The following METTL15 variants were observed in gnomAD, a reference collection of about 807,000 sequenced individuals.
The protein encoded by METTL15 is methyltransferase 15, mitochondrial 12S rRNA N4-cytidine, also known as 12S rRNA N(4)-cytidine methyltransferase METTL15.
In METTL15, 34 loss-of-function variants were observed where a neutral mutation model predicts 38.3. The ratio of observed to expected loss-of-function variants is 0.89; its 90% confidence interval spans 0.68 to 1.18. The LOEUF is 1.18. Among genes scored for constraint, METTL15 ranks in the 50% most tolerant of loss-of-function variants. METTL15 has a pLI of 0.00. For synonymous variants in METTL15, 162 were observed against 170.9 expected (o/e 0.95, Z 0.41); for missense variants, 438 against 498.4 (o/e 0.88, Z 1.15).
At position 28,136,636 on chromosome 11, in the gene METTL15, A is replaced by G. The variant is rs540764946; in HGVS notation, c.270+23032A>G. 3.3e-5 allele frequency among the ~76,000 whole-genome samples: 5 copies of G among 152,294 alleles called. 1 individual carries two copies. Among genetic ancestry groups the G allele is most frequent in the Admixed American group, 6.5e-5 (1 of 15,300 alleles). On this transcript the variant is annotated intron_variant, in intron 3 of 6. Transcript: ENST00000407364. ...TGATTTTAAAACACATATTAATATT[A>G]TTCATTAAAATATAACCTATGGAAG... is the stretch of plus-strand genomic sequence containing the variant.
intron 3 of METTL15, among the ~76,000 whole-genome samples, chr11:28,192,212 T>G (rs2133804230): frequency 6.6e-6 from 1 of 151,984 alleles, no homozygotes; most frequent in South Asian, 2.1e-4. Flanking sequence ...TAATATTGTC[T>G]GACAATAAAT....
intron 6 of METTL15, among the ~76,000 whole-genome samples, chr11:28,438,543 C>G (rs865814188): frequency 6.6e-6 from 1 of 152,164 alleles, no homozygotes. Flanking sequence ...ACTTCTCACC[C>G]TCTGAACATT....
chr11:28,320,380 G>A (rs942442032), intron 6 of METTL15, among the ~76,000 whole-genome samples: 23 of 151,820 alleles, frequency 1.5e-4, no homozygotes, highest in African/African-American at 5.6e-4. Flanking sequence ...GCAACGTAGC[G>A]AGACCCTATC....
intron 4 of METTL15, among the ~76,000 whole-genome samples, chr11:28,217,999 A>T (rs941585952): frequency 1.3e-5 from 2 of 152,000 alleles, no homozygotes; most frequent in Non-Finnish European, 2.9e-5. Flanking sequence ...GCTTGATGCT[A>T]CCAGCTTTGT....
At chr11:28,374,485 G>C (rs1420176997) in intron 5 of METTL15, among the ~76,000 whole-genome samples, 1 of 143,360 alleles carries the variant, frequency 7.0e-6, no homozygotes, top group Non-Finnish European at 1.6e-5. Flanking sequence ...TTGGTGTATA[G>C]GAATGCTTGT....
chr11:28,163,467 A>G (rs1850542599), intron 3 of METTL15: 2 of 397,624 alleles, frequency 5.0e-6, no homozygotes, highest in Admixed American at 4.4e-5. Context: ...CTCTCTCCCC[A>G]TGCTGTTACT....
intron 6 of METTL15, among the ~76,000 whole-genome samples, chr11:28,320,311 T>C (rs1231375270): frequency 6.6e-6 from 1 of 151,782 alleles, no homozygotes; most frequent in Non-Finnish European, 1.5e-5. Context: ...ATCACAGCAC[T>C]TTGGGCAGCC....
At chr11:28,131,100 A>G (rs1849317235) in intron 3 of METTL15, among the ~76,000 whole-genome samples, 1 of 152,050 alleles carries the variant, frequency 6.6e-6, no homozygotes, top group Non-Finnish European at 1.5e-5. Context: ...TACAGTCTAA[A>G]CACATTTTCA....
chr11:28,119,003 T>C (rs531033278), intron 3 of METTL15, among the ~76,000 whole-genome samples: 2 of 152,198 alleles, frequency 1.3e-5, no homozygotes, highest in East Asian at 1.9e-4. Context: ...AGAGCAAAGG[T>C]GGAACCAACC....
chr11:28,399,649 A>G (rs1850611461), intron 5 of METTL15, among the ~76,000 whole-genome samples: 1 of 126,596 alleles, frequency 7.9e-6, no homozygotes, highest in Non-Finnish European at 1.9e-5. Flanking sequence ...ATACACATTC[A>G]TTCGTTACAT....
intron 6 of METTL15, among the ~76,000 whole-genome samples, chr11:28,434,040 C>A (rs2133434185): frequency 6.6e-6 from 1 of 152,254 alleles, no homozygotes; most frequent in African/African-American, 2.4e-5. Context: ...GTTTCCCCAC[C>A]CAAATCTCAT....
At chr11:28,268,196 C>CAAAAAAAAAAAAAA (rs71050954) in intron 4 of METTL15, among the ~76,000 whole-genome samples, 1 of 64,164 alleles carries the variant, frequency 1.6e-5, no homozygotes, top group Non-Finnish European at 2.6e-5. Context: ...GACTCCGTCT[C>CAAAAAAAAAAAAAA]AAAAAAAAAA....
chr11:28,209,145 G>C (rs1852509482), intron 3 of METTL15, among the ~76,000 whole-genome samples: 1 of 151,800 alleles, frequency 6.6e-6, no homozygotes, highest in African/African-American at 2.4e-5. Flanking sequence ...TCAGAATATT[G>C]CTAATGATGA....
At chr11:28,157,465 G>A (rs974551459) in intron 3 of METTL15, among the ~76,000 whole-genome samples, 1 of 152,152 alleles carries the variant, frequency 6.6e-6, no homozygotes, top group African/African-American at 2.4e-5. Context: ...GAGTCACAGA[G>A]GATGCCGCTA....
intron 4 of METTL15, among the ~76,000 whole-genome samples, chr11:28,279,553 T>C (rs1424404719): frequency 6.6e-6 from 1 of 152,202 alleles, no homozygotes; most frequent in East Asian, 1.9e-4. Flanking sequence ...TACATTATTT[T>C]ATTATTCATT....
intron 6 of METTL15, chr11:28,328,069 A>G: frequency 6.3e-7 from 1 of 1,597,622 alleles, no homozygotes; most frequent in Admixed American, 1.7e-5. Flanking sequence ...TTTTACATGA[A>G]AATATATGTT....
intron 6 of METTL15, among the ~76,000 whole-genome samples, chr11:28,318,365 TTA>T (rs564672034): frequency 8.0e-5 from 12 of 150,414 alleles, no homozygotes; most frequent in Non-Finnish European, 8.9e-5. Context: ...TAATTTGATT[TTA>T]TATATATATA....
chr11:28,339,254 A>G (rs1849928541), intron 3 of METTL15, among the ~76,000 whole-genome samples: 2 of 152,144 alleles, frequency 1.3e-5, no homozygotes, highest in African/African-American at 4.8e-5. Context: ...GTGACCAGTC[A>G]TGAAGAAATG....
intron 5 of METTL15, among the ~76,000 whole-genome samples, chr11:28,412,962 A>C (rs2133414260): frequency 6.6e-6 from 1 of 152,228 alleles, no homozygotes; most frequent in Admixed American, 6.5e-5. Context: ...CACTATAGTA[A>C]CCATTATACT....
Sources: allele counts gnomAD v4.1 joint callset (sites outside exome capture counted in the v4.1 genomes callset), GRCh38; gene constraint gnomAD v4.1.1; transcripts MANE v1.5; gene names NCBI Gene and HGNC (gene_info 2026-07-23, HGNC 2026-07-21).